Variants in SPATS2 observed in about 807,000 individuals in gnomAD.
SPATS2 encodes spermatogenesis-associated serine-rich protein 2.
A neutral mutation model predicts 63.7 loss-of-function variants in SPATS2; 38 were observed. The ratio of observed to expected loss-of-function variants is 0.60; its 90% CI spans 0.46 to 0.78. The LOEUF (loss-of-function observed/expected upper bound fraction) is 0.78, where lower values mean the gene tolerates loss of function less well. SPATS2 is among the 30% of genes least tolerant of loss of function. The pLI is 0.00. For missense variants in SPATS2, 588 were observed against 666.2 expected, an observed-to-expected ratio of 0.88 and a Z score of 1.29; for synonymous variants, 207 against 232.9, an observed-to-expected ratio of 0.89 and a Z score of 1.01.
chr12:49,437,557 G>C (rs1332345309), intron 2 of SPATS2, among the ~76,000 whole-genome samples: 1 of 151,616 alleles, frequency 6.6e-6, no homozygotes, highest in South Asian at 2.1e-4. Context: ...CTGAGTGAAC[G>C]CGACTCCGTC....
At chr12:49,415,077 G>A (rs1311652396) in intron 2 of SPATS2, among the ~76,000 whole-genome samples, 2 of 151,270 alleles carry the variant, frequency 1.3e-5, no homozygotes, top group African/African-American at 4.9e-5. Flanking sequence ...GTAGAGGCAC[G>A]TGCCACCACG....
intron 9 of SPATS2, among the ~76,000 whole-genome samples, chr12:49,511,860 T>C (rs566984474): frequency 6.6e-6 from 1 of 152,344 alleles, no homozygotes; most frequent in East Asian, 1.9e-4. Context: ...ATTTATTTTG[T>C]GATGCCAACA....
chr12:49,508,418 G>T (rs916072680), intron 9 of SPATS2, among the ~76,000 whole-genome samples: 1 of 152,108 alleles, frequency 6.6e-6, no homozygotes, highest in African/African-American at 2.4e-5. Flanking sequence ...ATGTTGGCCA[G>T]GCTGGTCGCA....
chr12:49,409,590 CA>C (rs768572670), intron 2 of SPATS2, among the ~76,000 whole-genome samples: 59 of 121,982 alleles, frequency 4.8e-4, no homozygotes, highest in African/African-American at 6.5e-4. Flanking sequence ...CTGTGCCCAG[CA>C]ATTTTTTTTT....
intron 1 of SPATS2, among the ~76,000 whole-genome samples, chr12:49,369,774 T>C (rs1171322455): frequency 2.6e-5 from 4 of 152,226 alleles, no homozygotes; most frequent in Non-Finnish European, 5.9e-5. Flanking sequence ...TAGTTTTCTG[T>C]TTAGTCTTAT....
intron 9 of SPATS2, among the ~76,000 whole-genome samples, chr12:49,512,181 G>C (rs1301362287): frequency 6.6e-6 from 1 of 152,042 alleles, no homozygotes; most frequent in Non-Finnish European, 1.5e-5. Context: ...AGAATTATAA[G>C]TGCTGATCAA....
At chr12:49,470,968 C>A (rs1371221299) in intron 3 of SPATS2, among the ~76,000 whole-genome samples, 1 of 152,160 alleles carries the variant, frequency 6.6e-6, no homozygotes, top group Non-Finnish European at 1.5e-5. Context: ...ATAAGAAAGG[C>A]AATGTGAACA....
At chr12:49,436,810 G>A (rs1270040335) in intron 2 of SPATS2, among the ~76,000 whole-genome samples, 12 of 141,086 alleles carry the variant, frequency 8.5e-5, no homozygotes, top group South Asian at 4.6e-4. Flanking sequence ...AGGGGCGGCC[G>A]GGCAGAGGCG....
At chr12:49,383,541 G>A (rs117301667) in intron 2 of SPATS2, among the ~76,000 whole-genome samples, 1 of 151,892 alleles carries the variant, frequency 6.6e-6, no homozygotes, top group Non-Finnish European at 1.5e-5. Flanking sequence ...CTCCCAAGTA[G>A]CTAGGACTAC....
chr12:49,368,950 A>G (rs1943950822), intron 1 of SPATS2, among the ~76,000 whole-genome samples: 1 of 151,958 alleles, frequency 6.6e-6, no homozygotes, highest in Non-Finnish European at 1.5e-5. Context: ...AATGATTTAA[A>G]TTGTTACTTT....
chr12:49,422,219 C>G (rs1216013865), intron 2 of SPATS2, among the ~76,000 whole-genome samples: 1 of 152,178 alleles, frequency 6.6e-6, no homozygotes, highest in African/African-American at 2.4e-5. Context: ...AGGTTTGAAT[C>G]ACCACCTCAC....
intron 2 of SPATS2, among the ~76,000 whole-genome samples, chr12:49,405,580 TC>T: frequency 6.6e-6 from 1 of 152,226 alleles, no homozygotes; most frequent in Non-Finnish European, 1.5e-5. Flanking sequence ...ATGCCTGTAA[TC>T]CCAGCTACTT....
At chr12:49,499,391 G>GTTGTTTTGTTTTGTTTTGTTTTGTT (rs367735131) in intron 8 of SPATS2, among the ~76,000 whole-genome samples, 2 of 146,444 alleles carry the variant, frequency 1.4e-5, no homozygotes, top group Non-Finnish European at 3.0e-5. Context: ...GTTCTGCCTG[G>GTTGTTTTGTTTTGTTTTGTTTTGTT]TTGTTTTGTT....
chr12:49,389,695 G>C (rs766864948), intron 2 of SPATS2: 22 of 1,544,366 alleles, frequency 1.4e-5, no homozygotes, highest in Non-Finnish European at 1.8e-5. Flanking sequence ...CAAGAACATC[G>C]GCCACGGTCC....
chr12:49,395,937 C>CACCAT (rs1944502029), intron 2 of SPATS2, among the ~76,000 whole-genome samples: 1 of 152,212 alleles, frequency 6.6e-6, no homozygotes. Context: ...CCCTGGCAAC[C>CACCAT]ACCATGCTAC....
chr12:49,456,325 G>A (rs897423450), intron 2 of SPATS2, among the ~76,000 whole-genome samples: 1 of 152,142 alleles, frequency 6.6e-6, no homozygotes, highest in African/African-American at 2.4e-5. Context: ...GTAGATAACT[G>A]TGGGAAATAA....
chr12:49,478,309 C>T (rs1044653632), intron 3 of SPATS2, among the ~76,000 whole-genome samples: 6 of 152,070 alleles, frequency 3.9e-5, no homozygotes, highest in Admixed American at 3.9e-4. Context: ...TCTGAATAGG[C>T]CTTAAGTACT....
At chr12:49,439,973 A>G (rs1945387149) in intron 2 of SPATS2, among the ~76,000 whole-genome samples, 1 of 152,164 alleles carries the variant, frequency 6.6e-6, no homozygotes, top group South Asian at 2.1e-4. Context: ...AATTTAGAAT[A>G]TGTTTATGCA....
intron 2 of SPATS2, among the ~76,000 whole-genome samples, chr12:49,416,960 C>T (rs1944899710): frequency 2.6e-5 from 4 of 152,216 alleles, no homozygotes; most frequent in Admixed American, 2.0e-4. Context: ...GTTTTGGAAG[C>T]TAGACAACGT....
Sources: allele counts gnomAD v4.1 joint callset (sites outside exome capture counted in the v4.1 genomes callset), GRCh38; gene constraint gnomAD v4.1.1; transcripts MANE v1.5; gene names NCBI Gene and HGNC (gene_info 2026-07-23, HGNC 2026-07-21).